The following BRSK2 variants were observed in gnomAD, a reference collection of about 807,000 sequenced individuals.
BRSK2 encodes BR serine/threonine kinase 2, also known as serine/threonine-protein kinase BRSK2.
BRSK2 carries 19 observed loss-of-function variants against 83.3 expected under a neutral mutation model. The observed-to-expected ratio is 0.23, with a 90% CI of 0.16 to 0.33. BRSK2 has a LOEUF of 0.33. Among genes scored for constraint, BRSK2 ranks in the 10% least tolerant of loss-of-function variants. BRSK2 has a pLI of 1.00. For missense variants in BRSK2, 798 were observed against 1,042.3 expected, an observed-to-expected ratio of 0.77 and a Z score of 3.23; for synonymous variants, 519 against 435.4, an observed-to-expected ratio of 1.19 and a Z score of -2.39.
intron 1 of BRSK2, among the ~76,000 whole-genome samples, chr11:1,406,153 C>G (rs370915316): frequency 2.8e-4 from 42 of 152,302 alleles, no homozygotes; most frequent in African/African-American, 9.1e-4. Flanking sequence ...CTCTCCCTGC[C>G]CAGCCGCCAG....
intron 1 of BRSK2, among the ~76,000 whole-genome samples, chr11:1,412,588 C>G (rs1009674598): frequency 6.6e-6 from 1 of 152,200 alleles, no homozygotes; most frequent in African/African-American, 2.4e-5. Flanking sequence ...AGGGAGCAGG[C>G]GCCCTCAGAA....
rs149605388 is a variant in BRSK2, at chr11:1,420,244, G to A, written c.92-15796G>A. On this transcript the variant is annotated intron_variant, in intron 1 of 19. Coordinates refer to ENST00000528841, the MANE Select transcript of BRSK2 (RefSeq NM_001256627.2). ...TAGGATGAGACAGATTTTGCCACAG[G>A]GCCGGCCCCTGCTCTGCTGGGTGTG... Among the ~76,000 whole-genome samples the A allele has an allele frequency of 5.7e-3, 875 of 152,338 alleles. 29 individuals are homozygous for A. The highest frequency in any genetic ancestry group is 0.051 in the Admixed American group (783 of 15,306).
chr11:1,433,335 T>G (rs1849841517), intron 1 of BRSK2, among the ~76,000 whole-genome samples: 1 of 152,230 alleles, frequency 6.6e-6, no homozygotes, highest in East Asian at 1.9e-4. Flanking sequence ...CCCTGCACCC[T>G]CATGATGCCC....
intron 16 of BRSK2, among the ~76,000 whole-genome samples, chr11:1,456,028 G>A (rs1017183045): frequency 6.6e-6 from 1 of 152,244 alleles, no homozygotes; most frequent in South Asian, 2.1e-4. Context: ...GGCTGCAGGG[G>A]TCACCTTCCA....
intron 18 of BRSK2, 113 bp from the exon 19 acceptor site, chr11:1,459,079 C>T: frequency 1.9e-6 from 2 of 1,064,612 alleles, no homozygotes; most frequent in East Asian, 2.5e-5. Context: ...CCTCTGGGGC[C>T]CTACCCACTC....
At chr11:1,455,798 G>A (rs868284210) in intron 16 of BRSK2, among the ~76,000 whole-genome samples, 8 of 152,048 alleles carry the variant, frequency 5.3e-5, no homozygotes, top group African/African-American at 1.9e-4. Context: ...CCTGGGCCCT[G>A]TGCGCTGGGT....
chr11:1,422,883 C>G (rs551059347), intron 1 of BRSK2, among the ~76,000 whole-genome samples: 1 of 152,216 alleles, frequency 6.6e-6, no homozygotes, highest in Non-Finnish European at 1.5e-5. Context: ...GCCCACCCAG[C>G]AAGCCCCACA....
Position 1,450,867 on chromosome 11 carries a change from G to A in BRSK2, c.1495+73G>A, listed in dbSNP as rs377513302. 6.0e-4 allele frequency: 847 copies of A among 1,403,304 alleles called. 2 individuals carry two copies. In the Middle Eastern group the frequency reaches 8.6e-3, roughly 14 times the overall value. 86.9% of individuals were successfully genotyped at this position (1,403,304 alleles called of 1,614,324 possible). The stretch of plus-strand genomic sequence containing the variant: ...GGCTGCCTTGGGGAGGGCCCCGCCC[G>A]GCAGTGCCAGACCAGTCCGAGGGGC... On this transcript the variant is annotated intron_variant, in intron 14 of 19. Coordinates refer to ENST00000528841, the MANE Select transcript of BRSK2 (RefSeq NM_001256627.2).
intron 1 of BRSK2, among the ~76,000 whole-genome samples, chr11:1,396,204 G>A (rs1461652198): frequency 1.8e-5 from 2 of 110,268 alleles, no homozygotes; most frequent in East Asian, 2.3e-4. Flanking sequence ...TTCCACCCAC[G>A]TCCCCCACTC....
chr11:1,454,316 G>T lies in BRSK2; in HGVS notation c.1545-169G>T, dbSNP rs2133237743. Reference sequence around the variant, plus strand: ...TGATGGTCAGGGCATATGGGCTAGGGTTAGGGCGTTGGGGTCAGGGCCATG... The same window carrying T: ...TGATGGTCAGGGCATATGGGCTAGGTTTAGGGCGTTGGGGTCAGGGCCATG... On this transcript the variant is annotated intron_variant, in intron 15 of 19. Transcript: ENST00000528841. This position sits in a 1 kb window ranked among gnomAD's most constrained non-coding sequence, Gnocchi z 5.2. The T allele has an allele frequency of 1.1e-5, 8 of 747,250 alleles. No homozygotes were observed. In the South Asian group the frequency reaches 1.2e-4, roughly 11 times the overall value. 46.3% of individuals were successfully genotyped at this position (747,250 alleles called of 1,614,324 possible). A position where few individuals can be genotyped will look rare whatever the true frequency, so the allele number is the denominator to read the frequency against.
Position 1,429,211 on chromosome 11 carries a change from G to A in BRSK2, c.92-6829G>A, listed in dbSNP as rs112935400. Among the ~76,000 whole-genome samples the A allele has an allele frequency of 5.6e-3, 823 of 147,594 alleles. 8 individuals are homozygous for A. The highest frequency in any genetic ancestry group is 0.029 in the South Asian group (133 of 4,616). On this transcript the variant is annotated intron_variant, in intron 1 of 19. Coordinates refer to ENST00000528841, the MANE Select transcript of BRSK2 (RefSeq NM_001256627.2). ...CGCGTGTGCATGGGTGTGTGTGCAC[G>A]CGGTGTGTGGGCGTGTGCCCATGGG...
At chr11:1,457,360 C>T (rs1488943815) in intron 18 of BRSK2, among the ~76,000 whole-genome samples, 2 of 152,214 alleles carry the variant, frequency 1.3e-5, no homozygotes, top group African/African-American at 4.8e-5. Flanking sequence ...GGCAGAGGGG[C>T]TTGAGCCCAG....
rs746350820 is a variant in BRSK2, at chr11:1,449,834, C to T, written c.1285C>T (p.Arg429Trp). The change falls in exon 13 of 20, where the codon CGG becomes TGG. Residue 429 changes from arginine to tryptophan, a missense_variant and splice_region_variant. Physicochemically the swap from Arg to Trp is moderately radical, Grantham distance 101 (BLOSUM62 -3). This residue lies in a region of BRSK2 where 455 missense variants were observed against 455.2 expected (regional missense o/e 1.00). Coordinates refer to ENST00000528841, the MANE Select transcript of BRSK2 (RefSeq NM_001256627.2). ...GLSTSPLSSP[R>W]VTPHPSPRGS... is the part of the protein sequence containing the mutation. ...TTCCACCAGCCCACTCAGCAGCCCCCGGGTGAGTGACCCCCCGCCCCCACC... is the reference window on the plus strand; with the variant it reads ...TTCCACCAGCCCACTCAGCAGCCCCTGGGTGAGTGACCCCCCGCCCCCACC... 21 of 1,610,256 alleles carry T rather than the reference C, an allele frequency of 1.3e-5. No individual in the cohort carries two copies. The highest frequency in any genetic ancestry group is 3.3e-5 in the South Asian group (3 of 90,928).
At chr11:1,428,969 CGT>C (rs1213773334) in intron 1 of BRSK2, among the ~76,000 whole-genome samples, 25 of 137,226 alleles carry the variant, frequency 1.8e-4, no homozygotes, top group African/African-American at 7.0e-4. Context: ...GTGCCCTTGG[CGT>C]GTGGGCGTGT....
chr11:1,457,512 T>C (rs982655437), intron 18 of BRSK2, among the ~76,000 whole-genome samples: 3 of 151,924 alleles, frequency 2.0e-5, no homozygotes, highest in Non-Finnish European at 4.4e-5. Context: ...CCTGGGCCCA[T>C]GTGTGGTGGG....
At position 1,438,694 on chromosome 11, in the gene BRSK2, G is replaced by A. The variant is rs532121136; in HGVS notation, c.272+303G>A. The stretch of plus-strand genomic sequence containing the variant: ...GGAGATAGGAGTTTCAGGGCAAGGG[G>A]CAGGAGCACCTGGCCCTCCCCACAT... On this transcript the variant is annotated intron_variant, in intron 3 of 19. Transcript: ENST00000528841. This position sits in a 1 kb window ranked among gnomAD's most constrained non-coding sequence, Gnocchi z 6.4. Among the ~76,000 whole-genome samples, 3 of 152,102 alleles carry A rather than the reference G, an allele frequency of 2.0e-5. No individual in the cohort carries two copies. Among genetic ancestry groups the A allele is most frequent in the South Asian group, 4.1e-4 (2 of 4,830 alleles).
chr11:1,406,209 G>A (rs1291564185), intron 1 of BRSK2, among the ~76,000 whole-genome samples: 1 of 152,170 alleles, frequency 6.6e-6, no homozygotes, highest in Non-Finnish European at 1.5e-5. Flanking sequence ...AGTGGCTCAC[G>A]CCTGTAATCC....
At chr11:1,445,199 G>A in intron 9 of BRSK2, 95 bp from the exon 10 acceptor site, 3 of 1,511,868 alleles carry the variant, frequency 2.0e-6, no homozygotes, top group Non-Finnish European at 2.7e-6. Context: ...AGAGTGGCAG[G>A]ATGAAGGGCC....
At chr11:1,459,695 C>G (rs563174283) in intron 19 of BRSK2, among the ~76,000 whole-genome samples, 1 of 152,302 alleles carries the variant, frequency 6.6e-6, no homozygotes, top group East Asian at 1.9e-4. Context: ...CACACCTGGG[C>G]AGTGAGCACA....
Sources: gnomAD v4.1 joint callset for allele counts (sites outside exome capture counted in the v4.1 genomes callset) on GRCh38, gnomAD v4.1.1 for gene constraint, gnomAD v4.1.1 regional missense constraint, Gnocchi (gnomAD v3.1) non-coding constraint, MANE v1.5 for transcripts, NCBI Gene and HGNC (gene_info 2026-07-23, HGNC 2026-07-21) for gene names.